The following MAF variants were observed in gnomAD, a reference collection of about 807,000 sequenced individuals.
The protein encoded by MAF is MAF bZIP transcription factor.
A neutral mutation model predicts 22.0 loss-of-function variants in MAF; 10 were observed. The observed-to-expected ratio is 0.45, with a 90% confidence interval of 0.28 to 0.77. MAF has a LOEUF of 0.77. Ranked by LOEUF, MAF falls within the 30% of genes least tolerant of loss-of-function variation. The pLI is 0.12. For missense variants in MAF, 544 were observed against 548.4 expected, an observed-to-expected ratio of 0.99 and a Z score of 0.08; for synonymous variants, 337 against 255.8, an observed-to-expected ratio of 1.32 and a Z score of -3.03.
chr16:79,241,847 T>C, the MAF span, among the ~76,000 whole-genome samples: 2 of 152,066 alleles, frequency 1.3e-5, no homozygotes, highest in Non-Finnish European at 2.9e-5. Context: ...CAAATCTCTC[T>C]GCAAAAACAC....
At chr16:79,256,696 C>T in the MAF span, among the ~76,000 whole-genome samples, 2 of 152,312 alleles carry the variant, frequency 1.3e-5, no homozygotes, top group South Asian at 4.1e-4. Flanking sequence ...ACACTGCCTT[C>T]CATGTCTGTT....
chr16:79,340,139 G>A, the MAF span, among the ~76,000 whole-genome samples: 1 of 152,042 alleles, frequency 6.6e-6, no homozygotes, highest in African/African-American at 2.4e-5. Flanking sequence ...GCTGTTCCGG[G>A]AGGTCAGGGA....
At chr16:79,306,889 C>G in the MAF span, among the ~76,000 whole-genome samples, 1 of 152,310 alleles carries the variant, frequency 6.6e-6, no homozygotes, top group South Asian at 2.1e-4. Flanking sequence ...AGCTGCATTA[C>G]AGGGTTGTTT....
the MAF span, among the ~76,000 whole-genome samples, chr16:79,327,450 G>T: frequency 6.6e-6 from 1 of 152,146 alleles, no homozygotes; most frequent in Admixed American, 6.5e-5. Context: ...ATGGGTCTGG[G>T]GATGGCAGTG....
the MAF span, among the ~76,000 whole-genome samples, chr16:79,544,270 A>G: frequency 7.9e-5 from 12 of 152,168 alleles, no homozygotes; most frequent in African/African-American, 2.9e-4. Context: ...AATAGAACTA[A>G]GCCTTCAGTT....
the MAF span, among the ~76,000 whole-genome samples, chr16:79,264,083 G>T: frequency 6.6e-6 from 1 of 152,176 alleles, no homozygotes; most frequent in Non-Finnish European, 1.5e-5. Flanking sequence ...ATGGAAAACA[G>T]TCCCATGAAG....
chr16:79,422,503 A>G, the MAF span, among the ~76,000 whole-genome samples: 1 of 152,204 alleles, frequency 6.6e-6, no homozygotes, highest in Admixed American at 6.5e-5. Context: ...TGAGCCAGTC[A>G]TAGAGATTCA....
the MAF span, among the ~76,000 whole-genome samples, chr16:79,281,808 G>C: frequency 2.6e-5 from 4 of 152,002 alleles, no homozygotes; most frequent in Admixed American, 2.0e-4. Flanking sequence ...GCCTCCTAAA[G>C]TGCTCATCGG....
the MAF span, among the ~76,000 whole-genome samples, chr16:79,417,575 C>A: frequency 6.6e-6 from 1 of 152,004 alleles, no homozygotes; most frequent in Non-Finnish European, 1.5e-5. Flanking sequence ...GACAGACAAC[C>A]GAAGGAGGGA....
At chr16:79,273,321 G>A in the MAF span, among the ~76,000 whole-genome samples, 4 of 152,188 alleles carry the variant, frequency 2.6e-5, no homozygotes, top group African/African-American at 7.2e-5. Flanking sequence ...TCCATGACTC[G>A]AAAAAGGCAT....
intron 1 of MAF, among the ~76,000 whole-genome samples, chr16:79,586,994 A>G (rs1373169927): frequency 1.3e-5 from 2 of 152,372 alleles, no homozygotes; most frequent in African/African-American, 4.8e-5. Context: ...AATATGAGCT[A>G]TGCTCATGCA....
the MAF span, among the ~76,000 whole-genome samples, chr16:79,492,381 T>C: frequency 6.6e-6 from 1 of 152,098 alleles, no homozygotes; most frequent in Non-Finnish European, 1.5e-5. Flanking sequence ...ATGTGCAACG[T>C]ATCCGAATTT....
At chr16:79,381,779 G>A in the MAF span, among the ~76,000 whole-genome samples, 1 of 152,208 alleles carries the variant, frequency 6.6e-6, no homozygotes, top group African/African-American at 2.4e-5. Context: ...GACAAAGACG[G>A]AGGTTGCCTT....
the MAF span, among the ~76,000 whole-genome samples, chr16:79,221,155 G>C: frequency 6.6e-6 from 1 of 152,220 alleles, no homozygotes; most frequent in South Asian, 2.1e-4. Context: ...GAAATGTTCA[G>C]AATTCTTTGC....
chr16:79,446,402 G>A, the MAF span, among the ~76,000 whole-genome samples: 1 of 152,212 alleles, frequency 6.6e-6, no homozygotes, highest in East Asian at 1.9e-4. Context: ...GCCTAGGACA[G>A]CCCCAGGTTA....
At chr16:79,576,246 A>C in the MAF span, among the ~76,000 whole-genome samples, 22 of 149,900 alleles carry the variant, frequency 1.5e-4, no homozygotes, top group South Asian at 4.4e-3. Context: ...AAAAAAAAAA[A>C]AAAAAAAAAA....
At chr16:79,567,336 A>T in the MAF span, among the ~76,000 whole-genome samples, 1 of 152,122 alleles carries the variant, frequency 6.6e-6, no homozygotes, top group Non-Finnish European at 1.5e-5. Flanking sequence ...AAAAAATGCA[A>T]ATATTAGCTA....
At chr16:79,393,118 T>C in the MAF span, among the ~76,000 whole-genome samples, 1 of 152,282 alleles carries the variant, frequency 6.6e-6, no homozygotes, top group East Asian at 1.9e-4. Context: ...AGAGAGGATG[T>C]TGATTATACT....
intron 1 of MAF, chr16:79,595,281 G>C (rs1264659010): frequency 9.5e-7 from 1 of 1,049,758 alleles, no homozygotes; most frequent in Non-Finnish European, 1.2e-6. Flanking sequence ...AAAATGTCGA[G>C]GTTACACACT....
Sources: gnomAD v4.1 joint callset for allele counts (sites outside exome capture counted in the v4.1 genomes callset) on GRCh38, gnomAD v4.1.1 for gene constraint, MANE v1.5 for transcripts, NCBI Gene and HGNC (gene_info 2026-07-23, HGNC 2026-07-21) for gene names.